CCSER1: variants seen among roughly 807,000 people sequenced by gnomAD.
CCSER1 encodes coiled-coil serine rich protein 1.
In CCSER1, 41 loss-of-function variants were observed where a neutral mutation model predicts 82.0. The ratio of observed to expected loss-of-function variants is 0.50; its 90% CI spans 0.39 to 0.65. CCSER1 has a LOEUF of 0.65. Among genes scored for constraint, CCSER1 ranks in the 30% least tolerant of loss-of-function variants. CCSER1 has a pLI of 0.00. For synonymous variants in CCSER1, 414 were observed against 383.9 expected (o/e 1.08, Z -0.92); for missense variants, 1,119 against 1,064.2 (o/e 1.05, Z -0.72).
chr4:91,519,923 C>T (rs1423244932), intron 10 of CCSER1, among the ~76,000 whole-genome samples: 1 of 152,180 alleles, frequency 6.6e-6, no homozygotes, highest in African/African-American at 2.4e-5. Context: ...TCTAGTCAGC[C>T]ATCTTGTCCC....
intron 7 of CCSER1, among the ~76,000 whole-genome samples, chr4:90,808,425 A>C (rs1757801838): frequency 6.6e-6 from 1 of 152,208 alleles, no homozygotes; most frequent in East Asian, 1.9e-4. Context: ...TCTATACAAC[A>C]AAAGAAATAA....
chr4:90,644,462 T>TTAA (rs1727128072), intron 6 of CCSER1, among the ~76,000 whole-genome samples: 1 of 151,784 alleles, frequency 6.6e-6, no homozygotes, highest in Admixed American at 6.6e-5. Flanking sequence ...GTATTTTTTT[T>TTAA]ATTTAATTTA....
intron 10 of CCSER1, among the ~76,000 whole-genome samples, chr4:91,140,776 T>G (rs10004825): frequency 0.67 from 101,705 of 151,936 alleles, 35,489 homozygotes; most frequent in Non-Finnish European, 0.78. Context: ...GACATCTGAT[T>G]CAGTTTTCTT....
chr4:91,103,529 A>G (rs1219273668), intron 10 of CCSER1, among the ~76,000 whole-genome samples: 1 of 152,198 alleles, frequency 6.6e-6, no homozygotes, highest in African/African-American at 2.4e-5. Context: ...AGACTGTTGC[A>G]GGAAGTCAGG....
At chr4:91,227,945 A>G (rs1738337050) in intron 10 of CCSER1, among the ~76,000 whole-genome samples, 1 of 152,010 alleles carries the variant, frequency 6.6e-6, no homozygotes, top group Non-Finnish European at 1.5e-5. Context: ...TTGTAGATTC[A>G]TCCTCTATTT....
intron 7 of CCSER1, among the ~76,000 whole-genome samples, chr4:90,799,892 C>T (rs1039254896): frequency 2.0e-5 from 3 of 152,192 alleles, no homozygotes; most frequent in African/African-American, 7.2e-5. Context: ...TTCAGAGGCC[C>T]ATGGTGAGAG....
intron 9 of CCSER1, among the ~76,000 whole-genome samples, chr4:91,082,435 C>T (rs1387522752): frequency 2.6e-5 from 4 of 151,992 alleles, no homozygotes; most frequent in Admixed American, 2.0e-4. Flanking sequence ...ACTTAAATGT[C>T]AGACCTAAAA....
At chr4:90,230,155 C>A (rs1744159815) in intron 1 of CCSER1, among the ~76,000 whole-genome samples, 1 of 152,152 alleles carries the variant, frequency 6.6e-6, no homozygotes, top group Non-Finnish European at 1.5e-5. Context: ...CACCCCATAT[C>A]AACAGAATAT....
intron 3 of CCSER1, among the ~76,000 whole-genome samples, chr4:90,353,833 C>T (rs2153514144): frequency 6.6e-6 from 1 of 152,272 alleles, no homozygotes; most frequent in Admixed American, 6.5e-5. Flanking sequence ...CCCACCAGAA[C>T]AAGTGGCCTC....
intron 3 of CCSER1, among the ~76,000 whole-genome samples, chr4:90,354,923 G>C (rs889305741): frequency 5.3e-5 from 8 of 151,724 alleles, no homozygotes; most frequent in African/African-American, 1.9e-4. Context: ...GTTGTGTTTT[G>C]TAACTAGAAA....
intron 1 of CCSER1, among the ~76,000 whole-genome samples, chr4:90,153,954 T>G (rs1727461563): frequency 6.6e-6 from 1 of 152,214 alleles, no homozygotes; most frequent in African/African-American, 2.4e-5. Context: ...TCCTTGCCCA[T>G]GCCTCTGTCC....
At chr4:90,530,284 T>C (rs756051551) in intron 5 of CCSER1, among the ~76,000 whole-genome samples, 7 of 152,176 alleles carry the variant, frequency 4.6e-5, no homozygotes, top group Non-Finnish European at 1.0e-4. Flanking sequence ...TTAACACTCT[T>C]ATAGTTTTCA....
At chr4:90,238,662 G>A (rs535792272) in intron 1 of CCSER1, among the ~76,000 whole-genome samples, 7 of 151,934 alleles carry the variant, frequency 4.6e-5, no homozygotes, top group Admixed American at 2.6e-4. Context: ...CCCTCAACTC[G>A]TGCGCACATA....
intron 1 of CCSER1, among the ~76,000 whole-genome samples, chr4:90,291,101 T>C (rs1463242840): frequency 7.3e-6 from 1 of 136,284 alleles, no homozygotes; most frequent in Non-Finnish European, 1.5e-5. Flanking sequence ...TTACAAGAGA[T>C]ATCAGGTGCT....
At chr4:90,637,555 T>G (rs1217531619) in intron 6 of CCSER1, among the ~76,000 whole-genome samples, 3 of 152,098 alleles carry the variant, frequency 2.0e-5, no homozygotes, top group Non-Finnish European at 2.9e-5. Context: ...CAAAGTACAC[T>G]CAGCCCCTCC....
intron 10 of CCSER1, among the ~76,000 whole-genome samples, chr4:91,323,149 C>T (rs17018345): frequency 0.27 from 40,410 of 151,936 alleles, 5,398 homozygotes; most frequent in East Asian, 0.36. Context: ...CAGGAAGATA[C>T]CCAACCAGGC....
At chr4:90,591,545 C>T (rs780031877) in intron 5 of CCSER1, among the ~76,000 whole-genome samples, 2 of 152,028 alleles carry the variant, frequency 1.3e-5, no homozygotes, top group African/African-American at 2.4e-5. Flanking sequence ...CAGATGCTGG[C>T]GAGGCTGTGG....
At chr4:90,218,110 T>C (rs565817191) in intron 1 of CCSER1, among the ~76,000 whole-genome samples, 4 of 152,284 alleles carry the variant, frequency 2.6e-5, no homozygotes, top group African/African-American at 9.6e-5. Context: ...CCTTAATGTC[T>C]AGTTTCTTAA....
At chr4:90,514,244 A>G (rs998685632) in intron 5 of CCSER1, among the ~76,000 whole-genome samples, 1 of 152,200 alleles carries the variant, frequency 6.6e-6, no homozygotes, top group Non-Finnish European at 1.5e-5. Flanking sequence ...AAAATGACCT[A>G]TATATTTTCT....
Sources: allele counts gnomAD v4.1 joint callset (sites outside exome capture counted in the v4.1 genomes callset), GRCh38; gene constraint gnomAD v4.1.1; transcripts MANE v1.5; gene names NCBI Gene and HGNC (gene_info 2026-07-23, HGNC 2026-07-21).